Variants in GLRA3 observed in about 807,000 individuals in gnomAD.
GLRA3 encodes the protein glycine receptor alpha 3.
Under a neutral mutation model 60.4 loss-of-function variants are expected in GLRA3, and 44 were observed. That is an observed-to-expected ratio of 0.73 (90% CI 0.57 to 0.94). GLRA3 has a LOEUF of 0.94. Among genes scored for constraint, GLRA3 ranks in the 40% least tolerant of loss-of-function variants. The pLI, the probability that GLRA3 is intolerant of heterozygous loss-of-function variation, is 0.00. For synonymous variants in GLRA3, 223 were observed against 192.9 expected, an observed-to-expected ratio of 1.16 and a Z score of -1.29; for missense variants, 508 against 564.6, an observed-to-expected ratio of 0.90 and a Z score of 1.02.
chr4:174,647,144 C>A (rs1020827784), intron 9 of GLRA3, among the ~76,000 whole-genome samples: 2 of 152,146 alleles, frequency 1.3e-5, no homozygotes, highest in African/African-American at 4.8e-5. Context: ...CGGAGGCTCA[C>A]GCCCATAATC....
intron 1 of GLRA3, among the ~76,000 whole-genome samples, chr4:174,809,559 C>T (rs540130651): frequency 6.6e-6 from 1 of 152,060 alleles, no homozygotes; most frequent in Non-Finnish European, 1.5e-5. Context: ...ATGGCGAAAC[C>T]CCATCTCTAC....
intron 3 of GLRA3, among the ~76,000 whole-genome samples, chr4:174,757,563 C>G (rs6815688): frequency 0.38 from 57,473 of 151,972 alleles, 11,107 homozygotes; most frequent in East Asian, 0.47. Flanking sequence ...CTCCCAGTGG[C>G]CAAACTGAAC....
chr4:174,779,361 G>A (rs557095792), intron 2 of GLRA3, among the ~76,000 whole-genome samples: 1 of 152,064 alleles, frequency 6.6e-6, no homozygotes, highest in Non-Finnish European at 1.5e-5. Flanking sequence ...ACAAAGATGG[G>A]GAAAAAACAG....
At chr4:174,662,697 C>T (rs1036822614) in intron 7 of GLRA3, among the ~76,000 whole-genome samples, 1 of 152,114 alleles carries the variant, frequency 6.6e-6, no homozygotes, top group African/African-American at 2.4e-5. Flanking sequence ...AAGCTCTTTC[C>T]TATCTTTCCC....
intron 5 of GLRA3, among the ~76,000 whole-genome samples, chr4:174,713,970 G>A (rs1217749818): frequency 6.6e-6 from 1 of 152,074 alleles, no homozygotes; most frequent in African/African-American, 2.4e-5. Flanking sequence ...CTTCATCAAT[G>A]CTTCTAATCT....
intron 3 of GLRA3, among the ~76,000 whole-genome samples, chr4:174,731,599 G>A (rs1736550413): frequency 6.6e-6 from 1 of 152,036 alleles, no homozygotes; most frequent in African/African-American, 2.4e-5. Context: ...CCTTGAGGTA[G>A]GACAAATTAT....
intron 9 of GLRA3, among the ~76,000 whole-genome samples, chr4:174,653,984 C>A (rs1288026809): frequency 6.6e-6 from 1 of 151,956 alleles, no homozygotes; most frequent in African/African-American, 2.4e-5. Context: ...TGAGAGGATG[C>A]GATTTCAACT....
chr4:174,726,961 T>C (rs961809730), intron 4 of GLRA3, among the ~76,000 whole-genome samples: 3 of 152,170 alleles, frequency 2.0e-5, no homozygotes, highest in Admixed American at 6.6e-5. Flanking sequence ...TAGGGCTTAT[T>C]AGTGGTGGAA....
At chr4:174,779,521 A>C (rs1212069416) in intron 2 of GLRA3, among the ~76,000 whole-genome samples, 1 of 152,170 alleles carries the variant, frequency 6.6e-6, no homozygotes, top group Non-Finnish European at 1.5e-5. Context: ...CTCTGAGCTA[A>C]GGGAGGACAT....
rs537534655 is a variant in GLRA3, at chr4:174,646,346, T to C, written c.1117-2282A>G. 2.0e-5 allele frequency among the ~76,000 whole-genome samples: 3 copies of C among 152,362 alleles called. No homozygotes were observed. In the South Asian group the frequency reaches 6.2e-4, roughly 32 times the overall value. ...CAACCGAATTTTTCTCAATTGTATC[T>C]TTCCATATAGCTGAGGGTGAGTAAA... On this transcript the variant is annotated intron_variant, in intron 9 of 9. Coordinates refer to ENST00000274093, the MANE Select transcript of GLRA3 (RefSeq NM_006529.4).
intron 1 of GLRA3, among the ~76,000 whole-genome samples, chr4:174,796,340 A>G (rs1228926412): frequency 6.6e-6 from 1 of 152,166 alleles, no homozygotes; most frequent in Non-Finnish European, 1.5e-5. Flanking sequence ...CATCCAGTTT[A>G]TAGTATTTTG....
intron 3 of GLRA3, among the ~76,000 whole-genome samples, chr4:174,758,640 T>C (rs2111215910): frequency 6.6e-6 from 1 of 152,250 alleles, no homozygotes; most frequent in African/African-American, 2.4e-5. Flanking sequence ...TAATTAATAA[T>C]AATGCATCAA....
intron 1 of GLRA3, among the ~76,000 whole-genome samples, chr4:174,799,564 C>T (rs993205433): frequency 6.6e-6 from 1 of 152,108 alleles, no homozygotes; most frequent in Non-Finnish European, 1.5e-5. Context: ...ACCAAAATGG[C>T]GAACTCACAT....
At position 174,751,173 on chromosome 4, in the gene GLRA3, C is replaced by T. The variant is rs543084737; in HGVS notation, c.267+15790G>A. On this transcript the variant is annotated intron_variant, in intron 3 of 9. Transcript: ENST00000274093. Reference sequence around the variant, plus strand: ...TCTATCTACATTTTTTAGTAAGTCACACCTTTATAGAAGCTTTTTCTGGTT... The same window carrying T: ...TCTATCTACATTTTTTAGTAAGTCATACCTTTATAGAAGCTTTTTCTGGTT... 7.2e-5 allele frequency among the ~76,000 whole-genome samples: 11 copies of T among 152,062 alleles called. No individual in the cohort carries two copies. In the South Asian group the frequency reaches 2.3e-3, roughly 32 times the overall value.
intron 5 of GLRA3, among the ~76,000 whole-genome samples, chr4:174,688,336 T>A (rs1285779507): frequency 8.5e-6 from 1 of 117,996 alleles, no homozygotes; most frequent in East Asian, 2.5e-4. Context: ...TATATATATA[T>A]ATATATATAT....
At chr4:174,722,533 GCATT>G (rs2111116038) in intron 4 of GLRA3, 1 of 152,320 alleles carries the variant, frequency 6.6e-6, no homozygotes, top group East Asian at 1.9e-4. Context: ...TTTCAGAAGT[GCATT>G]CATTTTTAAG....
chr4:174,711,775 A>C (rs1280206418), intron 5 of GLRA3, among the ~76,000 whole-genome samples: 1 of 152,118 alleles, frequency 6.6e-6, no homozygotes, highest in Non-Finnish European at 1.5e-5. Flanking sequence ...TTTGTGCCTC[A>C]TAATTTTTTT....
In GLRA3 at chr4:174,682,855, A is replaced by C; in HGVS notation, c.659T>G (p.Phe220Cys). 6.2e-7 allele frequency: 1 copy of C among 1,612,816 alleles called. No homozygotes were observed. Reference sequence around the variant, plus strand: ...TAAATCTTTTTCTTCTTTCAACAGAAACTGGGGCAAAGTGAGTCCTTCTGC... The same window carrying C: ...TAAATCTTTTTCTTCTTTCAACAGACACTGGGGCAAAGTGAGTCCTTCTGC... ...QVAEGLTLPQ[F>C]LLKEEKDLRY... Residue 220 changes from phenylalanine to cysteine, a missense_variant, in exon 6 of 10, where the codon TTT becomes TGT. By Grantham distance (205) the Phe-to-Cys change is radical. Around this residue, in one of 3 missense-constraint regions of GLRA3, gnomAD observed 329 missense variants for 349.3 expected, o/e 0.94. Transcript: ENST00000274093.
chr4:174,768,868 C>T (rs555211030), intron 2 of GLRA3, among the ~76,000 whole-genome samples: 1 of 152,202 alleles, frequency 6.6e-6, no homozygotes, highest in South Asian at 2.1e-4. Flanking sequence ...TAGGCAGATA[C>T]CTGTATAAAT....
Sources: allele counts gnomAD v4.1 joint callset (sites outside exome capture counted in the v4.1 genomes callset), GRCh38; gene constraint gnomAD v4.1.1; regional missense constraint gnomAD v4.1.1; transcripts MANE v1.5; gene names NCBI Gene and HGNC (gene_info 2026-07-23, HGNC 2026-07-21).